The following FAM117B variants were observed in gnomAD, a reference collection of about 807,000 sequenced individuals.
The protein encoded by FAM117B is family with sequence similarity 117 member B.
In FAM117B, 22 loss-of-function variants were observed where a neutral mutation model predicts 52.8. That is an observed-to-expected ratio of 0.42 (90% confidence interval 0.30 to 0.59). FAM117B has a LOEUF of 0.59. Ranked by LOEUF, FAM117B falls within the 20% of genes least tolerant of loss-of-function variation. The pLI is 0.22. For missense variants in FAM117B, 678 were observed against 802.6 expected (o/e 0.84, Z 1.88); for synonymous variants, 309 against 324.1 (o/e 0.95, Z 0.50).
intron 4 of FAM117B, 138 bp downstream of exon 4, chr2:202,726,501 C>A: frequency 1.6e-6 from 1 of 610,494 alleles, no homozygotes; most frequent in Non-Finnish European, 2.9e-6. Context: ...GAATCACAGT[C>A]TTTATAAGAA....
At chr2:202,693,383 C>T (rs377365806) in intron 1 of FAM117B, among the ~76,000 whole-genome samples, 11 of 152,138 alleles carry the variant, frequency 7.2e-5, no homozygotes, top group African/African-American at 2.7e-4. Context: ...CTGAGGCGGG[C>T]GAGTCACTTG....
At chr2:202,672,201 C>T (rs889248975) in intron 1 of FAM117B, among the ~76,000 whole-genome samples, 1 of 152,112 alleles carries the variant, frequency 6.6e-6, no homozygotes, top group Non-Finnish European at 1.5e-5. Flanking sequence ...TTACTATTTT[C>T]ACCACCTGCC....
At chr2:202,664,986 C>T (rs1442569218) in intron 1 of FAM117B, among the ~76,000 whole-genome samples, 1 of 152,106 alleles carries the variant, frequency 6.6e-6, no homozygotes, top group East Asian at 1.9e-4. Context: ...CAAGATCAAG[C>T]TGGGTTTGGC....
At chr2:202,715,531 G>A (rs1449389445) in intron 2 of FAM117B, among the ~76,000 whole-genome samples, 3 of 151,534 alleles carry the variant, frequency 2.0e-5, no homozygotes, top group Non-Finnish European at 4.4e-5. Context: ...ATGGGCGGCC[G>A]GGCAGAGACG....
At chr2:202,651,546 G>C (rs1689958988) in intron 1 of FAM117B, among the ~76,000 whole-genome samples, 1 of 151,010 alleles carries the variant, frequency 6.6e-6, no homozygotes, top group Non-Finnish European at 1.5e-5. Flanking sequence ...TTAATTTTTT[G>C]TATTTTTAGT....
chr2:202,762,592 GTTTT>G (rs1261969746), intron 7 of FAM117B, among the ~76,000 whole-genome samples: 1 of 152,088 alleles, frequency 6.6e-6, no homozygotes, highest in Non-Finnish European at 1.5e-5. Context: ...AACAGCGTGA[GTTTT>G]TTTCTTTCTA....
At chr2:202,691,482 T>G (rs968058230) in intron 1 of FAM117B, among the ~76,000 whole-genome samples, 1 of 136,132 alleles carries the variant, frequency 7.3e-6, no homozygotes, top group South Asian at 2.7e-4. Flanking sequence ...GTTGAAAAGT[T>G]AACCCTTAGA....
At chr2:202,763,782 C>G (rs1393868283) in intron 7 of FAM117B, among the ~76,000 whole-genome samples, 3 of 152,162 alleles carry the variant, frequency 2.0e-5, no homozygotes, top group Non-Finnish European at 4.4e-5. Flanking sequence ...CCATAGTGTT[C>G]ACTGTTAATA....
chr2:202,678,670 C>T (rs1044204771), intron 1 of FAM117B, among the ~76,000 whole-genome samples: 14 of 152,344 alleles, frequency 9.2e-5, no homozygotes, highest in Admixed American at 8.5e-4. Context: ...AACAATTCTG[C>T]CTCAGCCTCC....
chr2:202,699,011 C>T (rs11895192), intron 2 of FAM117B, among the ~76,000 whole-genome samples: 6 of 152,160 alleles, frequency 3.9e-5, no homozygotes, highest in African/African-American at 1.4e-4. Flanking sequence ...TCTGTGGATG[C>T]AGTTCAGTAA....
At chr2:202,710,889 T>C (rs1172593126) in intron 2 of FAM117B, among the ~76,000 whole-genome samples, 2 of 151,976 alleles carry the variant, frequency 1.3e-5, no homozygotes, top group Non-Finnish European at 2.9e-5. Context: ...CAGGATCTCT[T>C]TTTTTTTGTT....
At chr2:202,690,937 G>A (rs1043927402) in intron 1 of FAM117B, among the ~76,000 whole-genome samples, 9 of 152,140 alleles carry the variant, frequency 5.9e-5, no homozygotes, top group African/African-American at 2.2e-4. Context: ...AAAAATGACA[G>A]GGTAGATGTA....
rs1156278814 is a variant in FAM117B, at chr2:202,741,416, CAAAAAAAAAAAA to C, written c.961-14103_961-14092del. Among the ~76,000 whole-genome samples, 271 of 34,958 alleles carry C rather than the reference CAAAAAAAAAAAA, an allele frequency of 7.8e-3. 2 individuals carry two copies. Among genetic ancestry groups the C allele is most frequent in the African/African-American group, 0.033 (257 of 7,856 alleles). The allele number at this position is 34,958 out of a possible 152,430, so 22.9% of individuals were successfully genotyped here. On this transcript the variant is annotated intron_variant, in intron 4 of 7. Transcript: ENST00000392238. ...CTGGTGACAGAGCAAGACTCTGTCT[CAAAAAAAAAAAA>C]AAAAAAAAAAAAAAAAAAGAATTGG...
intron 1 of FAM117B, among the ~76,000 whole-genome samples, chr2:202,673,850 C>T (rs1020721073): frequency 2.0e-5 from 3 of 152,158 alleles, no homozygotes; most frequent in African/African-American, 4.8e-5. Flanking sequence ...CTCAGAATAT[C>T]CAGTGTGACT....
chr2:202,747,235 T>C (rs1691648399), intron 4 of FAM117B, among the ~76,000 whole-genome samples: 1 of 152,188 alleles, frequency 6.6e-6, no homozygotes, highest in Admixed American at 6.5e-5. Flanking sequence ...CACTCATCCA[T>C]GGTAAAAACT....
chr2:202,669,264 T>G (rs1690254797), intron 1 of FAM117B, among the ~76,000 whole-genome samples: 1 of 152,138 alleles, frequency 6.6e-6, no homozygotes, highest in Non-Finnish European at 1.5e-5. Flanking sequence ...TATTTCAAAA[T>G]TAAAACAGCA....
chr2:202,639,291 T>A lies in FAM117B; in HGVS notation c.601+3503T>A, dbSNP rs572565812. ...TAAGTTGAAGGTATCAAGATCCCTA[T>A]CCAGTTGCTTTATTCTTCTAGGGTT... On this transcript the variant is annotated intron_variant, in intron 1 of 7. Transcript: ENST00000392238. 2.5e-4 allele frequency among the ~76,000 whole-genome samples: 38 copies of A among 152,344 alleles called. No homozygotes were observed. In the South Asian group the frequency reaches 7.4e-3, roughly 30 times the overall value.
At chr2:202,654,087 G>C (rs995342420) in intron 1 of FAM117B, among the ~76,000 whole-genome samples, 4 of 151,586 alleles carry the variant, frequency 2.6e-5, no homozygotes, top group African/African-American at 9.7e-5. Context: ...GAGAGAGAGA[G>C]AGAGAGAGAG....
chr2:202,648,645 C>T (rs1689908066), intron 1 of FAM117B, among the ~76,000 whole-genome samples: 2 of 151,752 alleles, frequency 1.3e-5, no homozygotes, highest in African/African-American at 4.8e-5. Context: ...TATTTATAAA[C>T]ATTTAGATCA....
Sources: gnomAD v4.1 joint callset for allele counts (sites outside exome capture counted in the v4.1 genomes callset) on GRCh38, gnomAD v4.1.1 for gene constraint, MANE v1.5 for transcripts, NCBI Gene and HGNC (gene_info 2026-07-23, HGNC 2026-07-21) for gene names.